The following DDX28 variants were observed in gnomAD, a reference collection of about 807,000 sequenced individuals.
DDX28 encodes the protein probable ATP-dependent RNA helicase DDX28.
In DDX28, 25 loss-of-function variants were observed where a neutral mutation model predicts 26.8. The observed-to-expected ratio is 0.93, with a 90% CI of 0.68 to 1.30. DDX28 has a LOEUF of 1.30. Among genes scored for constraint, DDX28 ranks in the 50% most tolerant of loss-of-function variants. DDX28 has a pLI of 0.00. For synonymous variants in DDX28, 370 were observed against 311.9 expected (o/e 1.19, Z -1.96); for missense variants, 790 against 695.1 (o/e 1.14, Z -1.53).
rs1360482522 is a variant in DDX28 at position 68,021,252 on chromosome 16, T to G, written c.*328A>C. 1.3e-5 allele frequency: 4 copies of G among 313,236 alleles called. No homozygotes were observed. The highest frequency in any genetic ancestry group is 1.8e-5 in the Non-Finnish European group (3 of 166,894). The allele number at this position is 313,236 out of a possible 1,614,324, so 19.4% of individuals were successfully genotyped here. On this transcript the variant is annotated 3_prime_UTR_variant, in exon 1 of 1. Transcript: ENST00000332395. ...GTCCTAGATGTGGAGGTTTGGTGTA[T>G]GAATCCTCAGAAACTACTGAATTCC...
rs1379418405 is a variant in DDX28 at position 68,022,254 on chromosome 16, C to G, written c.949G>C (p.Glu317Gln). 2 of 1,614,198 alleles carry G rather than the reference C, an allele frequency of 1.2e-6. No individual in the cohort carries two copies. The highest frequency in any genetic ancestry group is 2.2e-5 in the South Asian group (2 of 91,084). The part of the protein sequence containing the change: ...SHIAEGPADL[E>Q]DPFNPKAQLV... ...TGAGCTTTGGGATTGAAGGGGTCTTCCAAGTCAGCTGGGCCTTCTGCTATG... is the reference window on the plus strand; with the variant it reads ...TGAGCTTTGGGATTGAAGGGGTCTTGCAAGTCAGCTGGGCCTTCTGCTATG... Residue 317 changes from glutamate (E) to glutamine (Q), a missense_variant, in exon 1 of 1, where the codon GAA becomes CAA. Physicochemically the swap from Glu to Gln is conservative, Grantham distance 29. Coordinates refer to ENST00000332395, the MANE Select transcript of DDX28 (RefSeq NM_018380.4).
chr16:68,022,361 G>A lies in DDX28; in HGVS notation c.842C>T (p.Ser281Phe), dbSNP rs906469093. The change falls in exon 1 of 1, where the codon TCC becomes TTC. Residue 281 changes from serine to phenylalanine, a missense_variant. Coordinates refer to ENST00000332395, the MANE Select transcript of DDX28 (RefSeq NM_018380.4). ...GTCTGCCTCATCCAACACCAAGAAG[G>A]AGAGTTGCTCCAGACTGATCAGTCG... ...KSRLISLEQLSFLVLDEADTL... is the reference protein window; with the variant it reads ...KSRLISLEQLFFLVLDEADTL... The A allele has an allele frequency of 6.2e-7, 1 of 1,614,198 alleles. No homozygotes were observed. Among genetic ancestry groups the A allele is most frequent in the Non-Finnish European group, 8.5e-7 (1 of 1,180,036 alleles).
rs2033273863 is a variant in DDX28 at position 68,022,941 on chromosome 16, C to A, written c.262G>T (p.Glu88Ter). The change falls in exon 1 of 1, where the codon GAG (glutamate) becomes TAG (stop). Residue 88 changes from glutamate (E) to a stop codon, truncating the protein, a stop_gained. Coordinates refer to ENST00000332395, the MANE Select transcript of DDX28 (RefSeq NM_018380.4). LOFTEE classifies it high-confidence loss of function. The stretch of plus-strand genomic sequence containing the variant: ...CCTTGAGAGGCTAGCGGCGCGCGCT[C>A]CCAACGGCCCAGTGTGAGGCGCGCC... Reference protein sequence around the residue: ...QPARLTLGRWERAPLASQGWK... With the variant: ...QPARLTLGRW 6.5e-7 allele frequency: 1 copy of A among 1,543,530 alleles called. No homozygotes were observed. The highest frequency in any genetic ancestry group is 1.2e-5 in the South Asian group (1 of 85,856).
chr16:68,021,615 A>G lies in DDX28; in HGVS notation c.1588T>C (p.Ser530Pro), dbSNP rs1471973281. The G allele has an allele frequency of 5.6e-6, 9 of 1,614,014 alleles. No homozygotes were observed. Among genetic ancestry groups the G allele is most frequent in the Non-Finnish European group, 7.6e-6 (9 of 1,179,960 alleles). Residue 530 changes from serine (S) to proline (P), a missense_variant, in exon 1 of 1, where the codon TCC becomes CCC. Ser to Pro is a moderately conservative substitution (Grantham distance 74). Coordinates refer to ENST00000332395, the MANE Select transcript of DDX28 (RefSeq NM_018380.4). Reference sequence around the variant, plus strand: ...TGGGGCAAAGGCTCTTTCACCGAGGATGCTAGTCCTGGAAGACTTCTCCTT... The same window carrying G: ...TGGGGCAAAGGCTCTTTCACCGAGGGTGCTAGTCCTGGAAGACTTCTCCTT... ...RRRRSLPGLA[S>P]SVKEPLPQAT
rs1248676056 is a variant in DDX28 at position 68,022,017 on chromosome 16, G to C, written c.1186C>G (p.Pro396Ala). 3 of 1,614,150 alleles carry C rather than the reference G, an allele frequency of 1.9e-6. No individual in the cohort carries two copies. Among genetic ancestry groups the C allele is most frequent in the Non-Finnish European group, 1.7e-6 (2 of 1,180,034 alleles). ...CAGAACACCAGAACAGTTCCTGAGG[G>C]ACCAGTCCTTTCTGCTCTGTCACGA... is the stretch of plus-strand genomic sequence containing the variant. Reference protein sequence around the residue: ...KHRDRAERTGPSGTVLVFCNS... With the variant: ...KHRDRAERTGASGTVLVFCNS... Residue 396 changes from proline (P) to alanine (A), a missense_variant, in exon 1 of 1, where the codon CCC (proline) becomes GCC (alanine). Pro to Ala is a conservative substitution (Grantham distance 27). Coordinates refer to ENST00000332395, the MANE Select transcript of DDX28 (RefSeq NM_018380.4).
Position 68,023,030 on chromosome 16 carries a change from C to T in DDX28, c.173G>A (p.Arg58Lys), listed in dbSNP as rs774064363. The change falls in exon 1 of 1, where the codon AGG (arginine) becomes AAG (lysine). Residue 58 changes from arginine to lysine, a missense_variant. Coordinates refer to ENST00000332395, the MANE Select transcript of DDX28 (RefSeq NM_018380.4). ...CGGTCCGGGTCGAACCAGCACCGGC[C>T]TCGGGAGGTTCCGCCGCCTGCTCTG... The part of the protein sequence containing the change: ...QRQSRRRNLP[R>K]PVLVRPGPLL... The T allele has an allele frequency of 6.3e-7, 1 of 1,588,606 alleles. No homozygotes were observed. Among genetic ancestry groups the T allele is most frequent in the African/African-American group, 1.3e-5 (1 of 74,684 alleles).
At position 68,023,009 on chromosome 16, in the gene DDX28, C is replaced by T. The variant is rs768123979; in HGVS notation, c.194G>A (p.Gly65Glu). 11 of 1,574,178 alleles carry T rather than the reference C, an allele frequency of 7.0e-6. No homozygotes were observed. The highest frequency in any genetic ancestry group is 2.3e-5 in the East Asian group (1 of 43,224). Residue 65 changes from glycine (G) to glutamate (E), a missense_variant, in exon 1 of 1, where the codon GGA becomes GAA. By Grantham distance (98) the Gly-to-Glu change is moderately conservative. Transcript: ENST00000332395. ...CCGCCGCGCCGAAACCAGCAGCGGT[C>T]CGGGTCGAACCAGCACCGGCCTCGG... ...NLPRPVLVRP[G>E]PLLVSARRPE...
chr16:68,022,979 T>C lies in DDX28; in HGVS notation c.224A>G (p.Glu75Gly), dbSNP rs1015693133. Residue 75 changes from glutamate (E) to glycine (G), a missense_variant, in exon 1 of 1, where the codon GAG (glutamate) becomes GGG (glycine). Physicochemically the swap from Glu to Gly is moderately conservative, Grantham distance 98 (BLOSUM62 -2). Transcript: ENST00000332395. The stretch of plus-strand genomic sequence containing the variant: ...TGTGAGGCGCGCCGGCTGGTTCAAC[T>C]CCGGCCGCCGCGCCGAAACCAGCAG... ...GPLLVSARRPELNQPARLTLG... is the reference protein window; with the variant it reads ...GPLLVSARRPGLNQPARLTLG... The C allele has an allele frequency of 9.7e-6, 15 of 1,550,566 alleles. No individual in the cohort carries two copies. Among genetic ancestry groups the C allele is most frequent in the Non-Finnish European group, 1.2e-5 (14 of 1,156,036 alleles).
At position 68,021,608 on chromosome 16, in the gene DDX28, A is replaced by G; in HGVS notation, c.1595T>C (p.Val532Ala). 6.2e-7 allele frequency: 1 copy of G among 1,613,936 alleles called. No individual in the cohort carries two copies. The highest frequency in any genetic ancestry group is 1.1e-5 in the South Asian group (1 of 91,084). The stretch of plus-strand genomic sequence containing the variant: ...GGTTGCTTGGGGCAAAGGCTCTTTC[A>G]CCGAGGATGCTAGTCCTGGAAGACT... ...RRSLPGLASS[V>A]KEPLPQAT Residue 532 changes from valine to alanine, a missense_variant, in exon 1 of 1, where the codon GTG becomes GCG. Coordinates refer to ENST00000332395, the MANE Select transcript of DDX28 (RefSeq NM_018380.4).
In DDX28 at chr16:68,022,852, T is replaced by C; in HGVS notation, c.351A>G (p.Pro117=). The C allele has an allele frequency of 6.4e-7, 1 of 1,571,166 alleles. No individual in the cohort carries two copies. The highest frequency in any genetic ancestry group is 8.6e-7 in the Non-Finnish European group (1 of 1,158,616). Residue 117 remains proline, a synonymous_variant, in exon 1 of 1, where the codon CCA becomes CCG. Coordinates refer to ENST00000332395, the MANE Select transcript of DDX28 (RefSeq NM_018380.4). ...CCTTAGACGAGAGCTTTCGCACCGC[T>C]GGCGCCTCCTGTTGCGCGCGCTCGA... ...FSIERAQQEA[P]AVRKLSSKGS... is the part of the protein sequence containing the mutation.
chr16:68,021,026 C>T lies in DDX28; in HGVS notation c.*554G>A, dbSNP rs2033228164. 6.6e-6 allele frequency among the ~76,000 whole-genome samples: 1 copy of T among 151,672 alleles called. No individual in the cohort carries two copies. Among genetic ancestry groups the T allele is most frequent in the South Asian group, 2.1e-4 (1 of 4,826 alleles). On this transcript the variant is annotated 3_prime_UTR_variant, in exon 1 of 1. Transcript: ENST00000332395. ...CAAGCAAAACTTCTGTGTTCGTCTA[C>T]CCTTTACTTTTCTGCCAGTACCTTC...
chr16:68,022,830 T>TA lies in DDX28; in HGVS notation c.372dup (p.Lys125Ter). 1 of 1,575,650 alleles carries TA rather than the reference T, an allele frequency of 6.3e-7. No individual in the cohort carries two copies. Among genetic ancestry groups the TA allele is most frequent in the South Asian group, 1.2e-5 (1 of 86,852 alleles). ...AGGCCCAGGTCAGCAAAGCTGCCCT[T>TA]AGACGAGAGCTTTCGCACCGCTGGC... On this transcript the variant is annotated frameshift_variant, in exon 1 of 1. Transcript: ENST00000332395. LOFTEE classifies it high-confidence loss of function.
chr16:68,021,917 C>T lies in DDX28; in HGVS notation c.1286G>A (p.Gly429Glu). The part of the protein sequence containing the change: ...DHKIQHLRLQ[G>E]QMPALMRVGI... ...TACCCTCATCAAGGCTGGCATTTGC[C>T]CCTGCAACCTTAGGTGTTGGATTTT... The change falls in exon 1 of 1, where the codon GGG (glycine) becomes GAG (glutamate). Residue 429 changes from glycine (G) to glutamate (E), a missense_variant. Transcript: ENST00000332395. 1 of 1,614,132 alleles carries T rather than the reference C, an allele frequency of 6.2e-7. No homozygotes were observed. The highest frequency in any genetic ancestry group is 8.5e-7 in the Non-Finnish European group (1 of 1,180,042).
In DDX28 at chr16:68,021,291, T is replaced by G; in HGVS notation, c.*289A>C. 3 of 402,934 alleles carry G rather than the reference T, an allele frequency of 7.4e-6. No homozygotes were observed. Among genetic ancestry groups the G allele is most frequent in the Non-Finnish European group, 9.0e-6 (2 of 221,950 alleles). 25.0% of individuals were successfully genotyped at this position (402,934 alleles called of 1,614,324 possible). ...CTACTGAATTCCGCCCCGGTGCTAA[T>G]TATTCTTAGGGGAGGCACATAAAAA... On this transcript the variant is annotated 3_prime_UTR_variant, in exon 1 of 1. Transcript: ENST00000332395.
At position 68,021,048 on chromosome 16, in the gene DDX28, C is replaced by T. The variant is rs1451465314; in HGVS notation, c.*532G>A. Among the ~76,000 whole-genome samples, 1 of 151,654 alleles carries T rather than the reference C, an allele frequency of 6.6e-6. No homozygotes were observed. Among genetic ancestry groups the T allele is most frequent in the Non-Finnish European group, 1.5e-5 (1 of 67,964 alleles). On this transcript the variant is annotated 3_prime_UTR_variant, in exon 1 of 1. Transcript: ENST00000332395. ...CTACCCTTTACTTTTCTGCCAGTAC[C>T]TTCCAGAGATTTCGCCAAGACGCCC... is the stretch of plus-strand genomic sequence containing the variant.
In DDX28 at chr16:68,022,431, C is replaced by T. The variant is rs758164799; in HGVS notation, c.772G>A (p.Val258Met). The T allele has an allele frequency of 1.2e-6, 2 of 1,614,094 alleles. No homozygotes were observed. Among genetic ancestry groups the T allele is most frequent in the Non-Finnish European group, 1.7e-6 (2 of 1,180,052 alleles). The change falls in exon 1 of 1, where the codon GTG becomes ATG. Residue 258 changes from valine (V) to methionine (M), a missense_variant. Val to Met is a conservative substitution (Grantham distance 21). Transcript: ENST00000332395. Reference sequence around the variant, plus strand: ...AGAGCCCCTGGAGTGGCCACAAGCACATCTGCTGAAGGCTGTCTGGACAGC... The same window carrying T: ...AGAGCCCCTGGAGTGGCCACAAGCATATCTGCTGAAGGCTGTCTGGACAGC... ...LQLSRQPSAD[V>M]LVATPGALWK...
rs1246277727 is a variant in DDX28, at chr16:68,021,758, A to C, written c.1445T>G (p.Ile482Ser). ...ACGGCCCACTCTCCCTGCTCTGTGG[A>C]TGTAATCTTGCAGCGTTGGGGGGAA... is the stretch of plus-strand genomic sequence containing the variant. ...YDFPPTLQDY[I>S]HRAGRVGRVG... The change falls in exon 1 of 1, where the codon ATC (isoleucine) becomes AGC (serine). Residue 482 changes from isoleucine to serine, a missense_variant. Ile to Ser is a moderately radical substitution (Grantham distance 142). Coordinates refer to ENST00000332395, the MANE Select transcript of DDX28 (RefSeq NM_018380.4). 6.2e-7 allele frequency: 1 copy of C among 1,614,102 alleles called. No individual in the cohort carries two copies. The highest frequency in any genetic ancestry group is 8.5e-7 in the Non-Finnish European group (1 of 1,180,008).
chr16:68,022,774 C>T lies in DDX28; in HGVS notation c.429G>A (p.Glu143=), dbSNP rs1408415514. Reference sequence around the variant, plus strand: ...TGGGCTGAACGACTTCAGGCGCAGCCTCCTGTAGTGCGTGCAGCACACGGG... The same window carrying T: ...TGGGCTGAACGACTTCAGGCGCAGCTTCCTGTAGTGCGTGCAGCACACGGG... ...LEPRVLHALQ[E]AAPEVVQPTT... is the part of the protein sequence containing the mutation. The change falls in exon 1 of 1, where the codon GAG becomes GAA. Residue 143 remains glutamate (E), a synonymous_variant. Coordinates refer to ENST00000332395, the MANE Select transcript of DDX28 (RefSeq NM_018380.4). 1 of 1,609,904 alleles carries T rather than the reference C, an allele frequency of 6.2e-7. No homozygotes were observed. The highest frequency in any genetic ancestry group is 8.5e-7 in the Non-Finnish European group (1 of 1,178,230).
At position 68,022,639 on chromosome 16, in the gene DDX28, T is replaced by G; in HGVS notation, c.564A>C (p.Gln188His). Residue 188 changes from glutamine to histidine, a missense_variant, in exon 1 of 1, where the codon CAA (glutamine) becomes CAC (histidine). Physicochemically the swap from Gln to His is conservative, Grantham distance 24 (BLOSUM62 0). Coordinates refer to ENST00000332395, the MANE Select transcript of DDX28 (RefSeq NM_018380.4). ...CCAGGCTTGGCTGGCCCAAGAGCCG[T>G]TGAAGCAGCGGCAGGAGGTAGCTGA... ...KTLSYLLPLLQRLLGQPSLDS... is the reference protein window; with the variant it reads ...KTLSYLLPLLHRLLGQPSLDS... 1 of 1,613,026 alleles carries G rather than the reference T, an allele frequency of 6.2e-7. No homozygotes were observed. The highest frequency in any genetic ancestry group is 8.5e-7 in the Non-Finnish European group (1 of 1,179,876).
Sources: gnomAD v4.1 joint callset for allele counts (sites outside exome capture counted in the v4.1 genomes callset) on GRCh38, gnomAD v4.1.1 for gene constraint, MANE v1.5 for transcripts, NCBI Gene and HGNC (gene_info 2026-07-23, HGNC 2026-07-21) for gene names.